The following NAV3 variants were observed in gnomAD, a reference collection of about 807,000 sequenced individuals.
NAV3 encodes neuron navigator 3.
A neutral mutation model predicts 244.7 loss-of-function variants in NAV3; 87 were observed. The observed-to-expected ratio is 0.36, with a 90% CI of 0.30 to 0.42. NAV3 has a LOEUF of 0.42. Among genes scored for constraint, NAV3 ranks in the 20% least tolerant of loss-of-function variants. The pLI is 1.00. For synonymous variants in NAV3, 1,126 were observed against 1,042.2 expected (o/e 1.08, Z -1.55); for missense variants, 2,663 against 2,893.3 (o/e 0.92, Z 1.83).
At chr12:78,004,840 T>C (rs1272867799) in intron 7 of NAV3, among the ~76,000 whole-genome samples, 2 of 152,196 alleles carry the variant, frequency 1.3e-5, no homozygotes, top group Non-Finnish European at 2.9e-5. Flanking sequence ...TATATGTGTG[T>C]ACTCGCCTGA....
intron 19 of NAV3, among the ~76,000 whole-genome samples, chr12:78,139,105 T>A (rs895968326): frequency 2.0e-5 from 3 of 152,036 alleles, no homozygotes; most frequent in Non-Finnish European, 2.9e-5. Flanking sequence ...AATTTTTTTT[T>A]AAATAATTGA....
At chr12:77,896,570 G>A (rs766148859) in intron 1 of NAV3, among the ~76,000 whole-genome samples, 3 of 152,160 alleles carry the variant, frequency 2.0e-5, no homozygotes, top group Non-Finnish European at 4.4e-5. Flanking sequence ...TTTTGACAAA[G>A]ACATGGGGGA....
At chr12:78,145,385 A>C (rs1218937430) in intron 20 of NAV3, among the ~76,000 whole-genome samples, 1 of 152,096 alleles carries the variant, frequency 6.6e-6, no homozygotes, top group African/African-American at 2.4e-5. Context: ...GTTTTCTGAA[A>C]GAAAAGCAGT....
intron 2 of NAV3, among the ~76,000 whole-genome samples, chr12:77,659,866 A>G (rs1467658495): frequency 6.6e-6 from 1 of 151,364 alleles, no homozygotes; most frequent in Non-Finnish European, 1.5e-5. Context: ...AAGGACAAAA[A>G]CCAAACACAG....
intron 2 of NAV3, among the ~76,000 whole-genome samples, chr12:77,795,680 C>T (rs1443239794): frequency 3.9e-5 from 6 of 152,126 alleles, no homozygotes; most frequent in Non-Finnish European, 7.4e-5. Context: ...GGCTTCAAAT[C>T]TTCAAAGGGT....
At chr12:77,841,018 C>T (rs1421245691) in intron 1 of NAV3, among the ~76,000 whole-genome samples, 5 of 152,148 alleles carry the variant, frequency 3.3e-5, no homozygotes, top group Non-Finnish European at 7.3e-5. Flanking sequence ...TCTGCAAATC[C>T]CACTGTTACT....
rs572916827 is a variant in NAV3, at chr12:77,917,917, A to G, written c.244-22402A>G. 3.9e-5 allele frequency among the ~76,000 whole-genome samples: 6 copies of G among 152,192 alleles called. No homozygotes were observed. The East Asian group carries it at 1.2e-3, about 30-fold the overall frequency. ...CTTTTTGCATTCAAAGGCAGTGACC[A>G]AAAGGATCCTTATAATTGATAACTT... On this transcript the variant is annotated intron_variant, in intron 1 of 39. Coordinates refer to ENST00000397909, the MANE Select transcript of NAV3 (RefSeq NM_001024383.2).
At position 77,625,198 on chromosome 12, in the gene NAV3, G is replaced by A. The variant is rs138387707; in HGVS notation, c.72+52932G>A. On this transcript the variant is annotated intron_variant, in intron 2 of 8. Transcript: ENST00000550042. Reference sequence around the variant, plus strand: ...ATATGTATAAAATAAATGAGGTTCAGTATCTCTACATATGTTTAATGGTCA... The same window carrying A: ...ATATGTATAAAATAAATGAGGTTCAATATCTCTACATATGTTTAATGGTCA... Among the ~76,000 whole-genome samples the A allele has an allele frequency of 1.6e-3, 240 of 152,120 alleles. 1 individual carries two copies. The highest frequency in any genetic ancestry group is 5.2e-3 in the African/African-American group (214 of 41,500).
chr12:77,628,902 C>CAAAAAAAAAAAA (rs200250331), intron 2 of NAV3, among the ~76,000 whole-genome samples: 20 of 86,606 alleles, frequency 2.3e-4, no homozygotes, highest in African/African-American at 5.1e-4. Context: ...ACCCTGTCTC[C>CAAAAAAAAAAAA]AAAAAAAAAA....
chr12:77,843,616 T>G (rs567349514), intron 1 of NAV3, among the ~76,000 whole-genome samples: 1 of 152,168 alleles, frequency 6.6e-6, no homozygotes, highest in African/African-American at 2.4e-5. Context: ...AAATTCCTAT[T>G]CAATATTACC....
chr12:78,199,663 C>T (rs1446404087), intron 37 of NAV3, 132 bp downstream of exon 37: 1 of 632,774 alleles, frequency 1.6e-6, no homozygotes, highest in Non-Finnish European at 2.5e-6. Context: ...ATTTTTTTCC[C>T]TTCTGAAAGT....
intron 9 of NAV3, among the ~76,000 whole-genome samples, chr12:78,028,268 G>A (rs1878413473): frequency 6.6e-6 from 1 of 152,166 alleles, no homozygotes; most frequent in South Asian, 2.1e-4. Context: ...AATAAGCAAA[G>A]ATCTTTCACA....
intron 12 of NAV3, among the ~76,000 whole-genome samples, chr12:78,092,676 T>C (rs1954021291): frequency 6.6e-6 from 1 of 151,940 alleles, no homozygotes; most frequent in East Asian, 1.9e-4. Flanking sequence ...ATTTTTTGTG[T>C]TTTTAGTAGA....
chr12:77,757,574 C>T (rs1007543622), intron 2 of NAV3, among the ~76,000 whole-genome samples: 2 of 152,148 alleles, frequency 1.3e-5, no homozygotes, highest in Non-Finnish European at 2.9e-5. Context: ...CTTAACTCTT[C>T]TCCTGGTATG....
chr12:77,600,473 G>A (rs1870375209), intron 2 of NAV3, among the ~76,000 whole-genome samples: 1 of 151,924 alleles, frequency 6.6e-6, no homozygotes, highest in South Asian at 2.1e-4. Flanking sequence ...CTCTGATGCA[G>A]GAAGTAGGTA....
chr12:77,743,421 A>C (rs796093803), intron 2 of NAV3, among the ~76,000 whole-genome samples: 2 of 151,888 alleles, frequency 1.3e-5, no homozygotes, highest in Admixed American at 1.3e-4. Context: ...ATATACCTAC[A>C]TATGACACAG....
intron 8 of NAV3, chr12:78,010,989 T>C (rs368356037): frequency 1.3e-5 from 2 of 152,276 alleles, no homozygotes; most frequent in South Asian, 2.1e-4. Context: ...TATAAATTAT[T>C]CTGTACATAG....
chr12:77,820,676 G>T (rs1268106816), intron 2 of NAV3, among the ~76,000 whole-genome samples: 1 of 152,046 alleles, frequency 6.6e-6, no homozygotes, highest in African/African-American at 2.4e-5. Flanking sequence ...GCATATAGCT[G>T]GGAAGATCGC....
chr12:77,729,866 A>C (rs748900619), intron 2 of NAV3, among the ~76,000 whole-genome samples: 33 of 151,988 alleles, frequency 2.2e-4, no homozygotes, highest in Non-Finnish European at 4.1e-4. Flanking sequence ...AAAAATCTAG[A>C]TACCAAGTAG....
Sources: gnomAD v4.1 joint callset for allele counts (sites outside exome capture counted in the v4.1 genomes callset) on GRCh38, gnomAD v4.1.1 for gene constraint, MANE v1.5 for transcripts, NCBI Gene and HGNC (gene_info 2026-07-23, HGNC 2026-07-21) for gene names.